SYT10: variants seen among roughly 807,000 people sequenced by gnomAD.
SYT10 encodes the protein synaptotagmin-10.
A neutral mutation model predicts 51.1 loss-of-function variants in SYT10; 31 were observed. That is an observed-to-expected ratio of 0.61 (90% CI 0.46 to 0.82). The LOEUF is 0.82. Among genes scored for constraint, SYT10 ranks in the 40% least tolerant of loss-of-function variants. SYT10 has a pLI of 0.00. For missense variants in SYT10, 603 were observed against 634.0 expected (o/e 0.95, Z 0.53); for synonymous variants, 233 against 225.9 (o/e 1.03, Z -0.28).
chr12:33,416,637 C>T (rs1866456262), intron 2 of SYT10, among the ~76,000 whole-genome samples: 1 of 152,184 alleles, frequency 6.6e-6, no homozygotes, highest in Non-Finnish European at 1.5e-5. Context: ...ATGTTCTCTA[C>T]TTAACCTCAG....
At chr12:33,379,200 C>G (rs1470920876) in intron 6 of SYT10, among the ~76,000 whole-genome samples, 1 of 150,984 alleles carries the variant, frequency 6.6e-6, no homozygotes, top group South Asian at 2.1e-4. Context: ...TCTGAGTTTA[C>G]CACTATTTCA....
At chr12:33,392,887 T>C (rs1866221133) in intron 3 of SYT10, among the ~76,000 whole-genome samples, 1 of 145,314 alleles carries the variant, frequency 6.9e-6, no homozygotes, top group Non-Finnish European at 1.5e-5. Context: ...TGTTTAAGAA[T>C]GCCCACGTTT....
rs143133965 is a variant in SYT10, at chr12:33,424,835, G to A, written c.509+1303C>T. Among the ~76,000 whole-genome samples, 209 of 151,938 alleles carry A rather than the reference G, an allele frequency of 1.4e-3. 1 individual carries two copies. The highest frequency in any genetic ancestry group is 4.8e-3 in the African/African-American group (201 of 41,482). ...TCATAAATAAGAAAATTTAAAATGAGCCTAAATGTCATTGCTCAGGAAAAC... is the reference window on the plus strand; with the variant it reads ...TCATAAATAAGAAAATTTAAAATGAACCTAAATGTCATTGCTCAGGAAAAC... On this transcript the variant is annotated intron_variant, in intron 2 of 6. Transcript: ENST00000228567.
At chr12:33,404,950 A>G (rs1203275014) in intron 3 of SYT10, 1 of 152,172 alleles carries the variant, frequency 6.6e-6, no homozygotes, top group African/African-American at 2.4e-5. Flanking sequence ...GCAATGAGAA[A>G]CTAAAGTTTC....
rs142459938 is a variant in SYT10, at chr12:33,406,462, A to G, written c.1077+327T>C. 2.0e-3 allele frequency among the ~76,000 whole-genome samples: 297 copies of G among 152,276 alleles called. 1 individual carries two copies. The highest frequency in any genetic ancestry group is 6.6e-3 in the African/African-American group (276 of 41,578). ...GAAAATAACAAAATTACCTTAAATA[A>G]TGAAAGTCAATACTAACTGTGAGGA... On this transcript the variant is annotated intron_variant, in intron 3 of 6. Coordinates refer to ENST00000228567, the MANE Select transcript of SYT10 (RefSeq NM_198992.4).
At position 33,376,540 on chromosome 12, in the gene SYT10, A is replaced by G. The variant is rs573257908; in HGVS notation, c.*290T>C. Reference sequence around the variant, plus strand: ...AGGTAAGTATGAACTGTTTAAAAAAACATTTCATATGCAAAGAATTACAAC... The same window carrying G: ...AGGTAAGTATGAACTGTTTAAAAAAGCATTTCATATGCAAAGAATTACAAC... On this transcript the variant is annotated 3_prime_UTR_variant, in exon 7 of 7. Coordinates refer to ENST00000228567, the MANE Select transcript of SYT10 (RefSeq NM_198992.4). The G allele has an allele frequency of 2.6e-6, 1 of 391,580 alleles. No homozygotes were observed. The highest frequency in any genetic ancestry group is 3.8e-5 in the Admixed American group (1 of 26,256). The allele number at this position is 391,580 out of a possible 1,614,324, so 24.3% of individuals were successfully genotyped here.
At chr12:33,403,386 C>A (rs1866323317) in intron 3 of SYT10, among the ~76,000 whole-genome samples, 1 of 151,896 alleles carries the variant, frequency 6.6e-6, no homozygotes, top group Non-Finnish European at 1.5e-5. Flanking sequence ...TGCTTGCCAC[C>A]ATGCCCAGCT....
In SYT10 at chr12:33,376,583, G is replaced by T; in HGVS notation, c.*247C>A. 2.0e-6 allele frequency: 1 copy of T among 504,188 alleles called. No homozygotes were observed. Among genetic ancestry groups the T allele is most frequent in the Non-Finnish European group, 3.6e-6 (1 of 281,034 alleles). 31.2% of individuals were successfully genotyped at this position (504,188 alleles called of 1,614,324 possible). A position where few individuals can be genotyped will look rare whatever the true frequency, so the allele number is the denominator to read the frequency against. On this transcript the variant is annotated 3_prime_UTR_variant, in exon 7 of 7. Transcript: ENST00000228567. ...ATTACAACATAGTAAAACACTCTTT[G>T]TGCTAACAGGCATTTGATACGAAGG... is the stretch of plus-strand genomic sequence containing the variant.
intron 3 of SYT10, among the ~76,000 whole-genome samples, chr12:33,390,130 T>C (rs1037728729): frequency 2.0e-5 from 3 of 152,190 alleles, no homozygotes; most frequent in Non-Finnish European, 4.4e-5. Flanking sequence ...GTCAAGCCCT[T>C]TCAGGCTTTG....
At chr12:33,405,373 A>T (rs1394466249) in intron 3 of SYT10, 1 of 152,118 alleles carries the variant, frequency 6.6e-6, no homozygotes, top group Non-Finnish European at 1.5e-5. Flanking sequence ...TGTGAAATCA[A>T]AAGAGCCCCA....
rs1866360417 is a variant in SYT10 at position 33,407,032 on chromosome 12, A to G, written c.834T>C (p.Asp278=). Residue 278 remains aspartate, a synonymous_variant, in exon 3 of 7, where the codon GAT becomes GAC. Coordinates refer to ENST00000228567, the MANE Select transcript of SYT10 (RefSeq NM_198992.4). The part of the protein sequence containing the change: ...DPYVKMYLLP[D]RKKKFQTRVH... ...CGCGGGTCTGAAATTTCTTTTTCCT[A>G]TCTGGAAGAAGATACATCTTCACAT... 3.7e-6 allele frequency: 6 copies of G among 1,614,046 alleles called. No individual in the cohort carries two copies. The highest frequency in any genetic ancestry group is 2.7e-5 in the African/African-American group (2 of 74,938).
intron 3 of SYT10, among the ~76,000 whole-genome samples, chr12:33,392,038 A>T (rs554244282): frequency 6.6e-6 from 1 of 152,280 alleles, no homozygotes; most frequent in South Asian, 2.1e-4. Context: ...AATACAATAA[A>T]CCAGTCATAA....
At chr12:33,433,940 C>T (rs138671816) in intron 1 of SYT10, among the ~76,000 whole-genome samples, 2 of 152,270 alleles carry the variant, frequency 1.3e-5, no homozygotes, top group African/African-American at 4.8e-5. Context: ...CCATCACTAA[C>T]TAGTGATGAT....
At chr12:33,399,994 A>G (rs1218213619) in intron 3 of SYT10, among the ~76,000 whole-genome samples, 1 of 152,200 alleles carries the variant, frequency 6.6e-6, no homozygotes, top group Non-Finnish European at 1.5e-5. Context: ...TCATTGTCCC[A>G]ACCTGCAGGT....
chr12:33,406,669 A>G (rs1866355463), intron 3 of SYT10, 120 bp downstream of exon 3: 12 of 823,624 alleles, frequency 1.5e-5, no homozygotes, highest in Admixed American at 6.4e-5. Flanking sequence ...CTACCTTTGC[A>G]GGATCTTAGA....
chr12:33,428,955 AG>A (rs1866575304), intron 1 of SYT10, among the ~76,000 whole-genome samples: 1 of 151,394 alleles, frequency 6.6e-6, no homozygotes, highest in Non-Finnish European at 1.5e-5. Flanking sequence ...ACTCTGTGAG[AG>A]TAGATAATTC....
At chr12:33,395,018 G>A (rs1305618610) in intron 3 of SYT10, among the ~76,000 whole-genome samples, 1 of 152,224 alleles carries the variant, frequency 6.6e-6, no homozygotes, top group African/African-American at 2.4e-5. Flanking sequence ...AAGCCAGGAG[G>A]TGGAGCTTGC....
At chr12:33,385,388 G>T in intron 3 of SYT10, 97 bp from the exon 4 acceptor site, 1 of 1,485,102 alleles carries the variant, frequency 6.7e-7, no homozygotes, top group Non-Finnish European at 9.0e-7. Flanking sequence ...ATTTTAAATT[G>T]TTTTATTGAG....
At chr12:33,408,170 AT>A (rs1378164380) in intron 2 of SYT10, 1 of 152,208 alleles carries the variant, frequency 6.6e-6, no homozygotes, top group Non-Finnish European at 1.5e-5. Flanking sequence ...AATTAAAAAC[AT>A]GTTATAGGTC....
Sources: gnomAD v4.1 joint callset for allele counts (sites outside exome capture counted in the v4.1 genomes callset) on GRCh38, gnomAD v4.1.1 for gene constraint, MANE v1.5 for transcripts, NCBI Gene and HGNC (gene_info 2026-07-23, HGNC 2026-07-21) for gene names.